The following PLEKHA7 variants were observed in gnomAD, a reference collection of about 807,000 sequenced individuals.
PLEKHA7 encodes the protein pleckstrin homology domain containing A7.
Under a neutral mutation model 170.0 loss-of-function variants are expected in PLEKHA7, and 104 were observed. The observed-to-expected ratio is 0.61, with a 90% CI of 0.52 to 0.72. The LOEUF (loss-of-function observed/expected upper bound fraction) is 0.72, where lower values mean the gene tolerates loss of function less well. Ranked by LOEUF, PLEKHA7 falls within the 30% of genes least tolerant of loss-of-function variation. PLEKHA7 has a pLI of 0.00. For missense variants in PLEKHA7, 1,615 were observed against 1,671.7 expected (o/e 0.97, Z 0.59); for synonymous variants, 648 against 660.8 (o/e 0.98, Z 0.30).
intron 3 of PLEKHA7, among the ~76,000 whole-genome samples, chr11:16,987,778 CT>C (rs1863823215): frequency 6.6e-6 from 1 of 152,224 alleles, no homozygotes; most frequent in Non-Finnish European, 1.5e-5. Context: ...TTCTCAACAC[CT>C]GTCCCAAACT....
chr11:16,802,119 AAAAAAAC>A lies in PLEKHA7; in HGVS notation c.2158-309_2158-303del, dbSNP rs879858098. ...AGCTAAGAGGATAAATCAAAGAATT[AAAAAAAC>A]AAAAAACAAAAACCTCTTTAGCCTC... On this transcript the variant is annotated intron_variant, in intron 15 of 26. Coordinates refer to ENST00000531066, the MANE Select transcript of PLEKHA7 (RefSeq NM_001329630.2). Among the ~76,000 whole-genome samples the A allele has an allele frequency of 1.1e-4, 16 of 152,364 alleles. 1 individual carries two copies. The highest frequency in any genetic ancestry group is 9.1e-4 in the Admixed American group (14 of 15,312).
At chr11:16,893,591 C>T (rs1856813538) in intron 3 of PLEKHA7, among the ~76,000 whole-genome samples, 1 of 152,174 alleles carries the variant, frequency 6.6e-6, no homozygotes, top group African/African-American at 2.4e-5. Context: ...AAGGAAGACA[C>T]AGCTGGTAAC....
intron 26 of PLEKHA7, among the ~76,000 whole-genome samples, chr11:16,782,422 G>T (rs575806923): frequency 6.6e-6 from 1 of 152,152 alleles, no homozygotes; most frequent in Non-Finnish European, 1.5e-5. Flanking sequence ...TGGCCCCTTG[G>T]CTCAGCACCT....
chr11:17,014,250 GCCCGCCCGGCC>G, intron 1 of PLEKHA7, 49 bp from the exon 2 acceptor site: 1 of 1,395,220 alleles, frequency 7.2e-7, no homozygotes, highest in Middle Eastern at 2.6e-4. Flanking sequence ...CCCGCCGGGT[GCCCGCCCGGCC>G]CCCGCCCCCG....
At chr11:16,792,959 A>G (rs1013752569) in intron 19 of PLEKHA7, among the ~76,000 whole-genome samples, 2 of 152,176 alleles carry the variant, frequency 1.3e-5, no homozygotes, top group African/African-American at 2.4e-5. Flanking sequence ...AAAAACAAGT[A>G]AGTAATAAAA....
rs552977837 is a variant in PLEKHA7, at chr11:16,846,262, G to A, written c.697-4540C>T. Reference sequence around the variant, plus strand: ...ATCACGCGACTACACTCCAGCCTGGGTGACAGAGCAAGACTCCATGGAAAG... The same window carrying A: ...ATCACGCGACTACACTCCAGCCTGGATGACAGAGCAAGACTCCATGGAAAG... On this transcript the variant is annotated intron_variant, in intron 8 of 26. Transcript: ENST00000531066. Among the ~76,000 whole-genome samples, 3 of 152,110 alleles carry A rather than the reference G, an allele frequency of 2.0e-5. No homozygotes were observed. The South Asian group carries it at 6.3e-4, about 32-fold the overall frequency.
rs11327862 is a variant in PLEKHA7, at chr11:16,919,970, AC to A, written c.222-48789del. ...CCGTTTTTCATAACAGAGGACACTTACTTTTGTAATGGGACAACCTGGATTT... is the reference window on the plus strand; with the variant it reads ...CCGTTTTTCATAACAGAGGACACTTATTTTGTAATGGGACAACCTGGATTT... On this transcript the variant is annotated intron_variant, in intron 3 of 26. Coordinates refer to ENST00000531066, the MANE Select transcript of PLEKHA7 (RefSeq NM_001329630.2). Among the ~76,000 whole-genome samples, 1,072 of 152,288 alleles carry A rather than the reference AC, an allele frequency of 7.0e-3. 17 individuals carry two copies. Among genetic ancestry groups the A allele is most frequent in the African/African-American group, 0.024 (1,010 of 41,562 alleles).
chr11:16,903,991 C>CTGTA (rs1184939778), intron 3 of PLEKHA7, among the ~76,000 whole-genome samples: 2 of 152,184 alleles, frequency 1.3e-5, no homozygotes, highest in Non-Finnish European at 2.9e-5. Flanking sequence ...TACATTCCTG[C>CTGTA]TGTACAATTC....
At chr11:16,839,215 G>A (rs1343075532) in intron 9 of PLEKHA7, among the ~76,000 whole-genome samples, 1 of 151,934 alleles carries the variant, frequency 6.6e-6, no homozygotes, top group Admixed American at 6.6e-5. Flanking sequence ...TGATCCTTCA[G>A]ATGTCATTAT....
intron 3 of PLEKHA7, among the ~76,000 whole-genome samples, chr11:16,889,233 T>C (rs1389065489): frequency 1.3e-5 from 2 of 151,666 alleles, no homozygotes; most frequent in Admixed American, 6.6e-5. Context: ...CTCCCCACCA[T>C]GTACCTTGTG....
At chr11:16,920,230 GAA>G (rs1165188454) in intron 3 of PLEKHA7, among the ~76,000 whole-genome samples, 4 of 152,180 alleles carry the variant, frequency 2.6e-5, no homozygotes, top group Non-Finnish European at 5.9e-5. Context: ...TGTAAATTCC[GAA>G]GAGAGGAATG....
intron 3 of PLEKHA7, among the ~76,000 whole-genome samples, chr11:16,889,700 GAGA>G (rs759951449): frequency 6.6e-5 from 10 of 152,084 alleles, no homozygotes; most frequent in South Asian, 4.1e-4. Flanking sequence ...GATTCAGAGA[GAGA>G]AGAAGAAAAT....
rs1848765178 is a variant in PLEKHA7 at position 16,777,658 on chromosome 11, G to A, written c.*1340C>T. 6.6e-6 allele frequency: 1 copy of A among 152,190 alleles called. No individual in the cohort carries two copies. The highest frequency in any genetic ancestry group is 2.4e-5 in the African/African-American group (1 of 41,444). The allele number at this position is 152,190 out of a possible 1,614,324, so 9.4% of individuals were successfully genotyped here. A position where few individuals can be genotyped will look rare whatever the true frequency, so the allele number is the denominator to read the frequency against. Reference sequence around the variant, plus strand: ...TATAAGAAAACAACTTAAATAAAGGGCCACAAACACTGCACCTGGCTTGGT... The same window carrying A: ...TATAAGAAAACAACTTAAATAAAGGACCACAAACACTGCACCTGGCTTGGT... On this transcript the variant is annotated 3_prime_UTR_variant, in exon 27 of 27. Transcript: ENST00000531066.
At chr11:16,881,663 A>T (rs1565063280) in intron 3 of PLEKHA7, 1 of 152,242 alleles carries the variant, frequency 6.6e-6, no homozygotes, top group South Asian at 2.1e-4. Flanking sequence ...GAACCAGGAC[A>T]TAAAGAAACA....
At chr11:16,959,541 C>G (rs566997707) in intron 3 of PLEKHA7, among the ~76,000 whole-genome samples, 1 of 152,118 alleles carries the variant, frequency 6.6e-6, no homozygotes, top group Non-Finnish European at 1.5e-5. Flanking sequence ...GTGTGAGAGG[C>G]CAGGCCCATA....
At chr11:16,954,421 T>G (rs532054877) in intron 3 of PLEKHA7, among the ~76,000 whole-genome samples, 1 of 151,954 alleles carries the variant, frequency 6.6e-6, no homozygotes, top group East Asian at 1.9e-4. Context: ...ATAGTCTCAG[T>G]TACTCAGGAG....
chr11:16,866,171 T>C (rs538615947), intron 4 of PLEKHA7, among the ~76,000 whole-genome samples: 75 of 151,844 alleles, frequency 4.9e-4, no homozygotes, highest in African/African-American at 1.5e-3. Flanking sequence ...ATAATAAATA[T>C]GTGCTTCTCT....
intron 3 of PLEKHA7, among the ~76,000 whole-genome samples, chr11:16,905,751 T>TG (rs1369630004): frequency 6.6e-6 from 1 of 152,222 alleles, no homozygotes; most frequent in Non-Finnish European, 1.5e-5. Flanking sequence ...TCCCCTGGAA[T>TG]GGGGGTAATG....
At chr11:16,898,523 G>A (rs1436135340) in intron 3 of PLEKHA7, among the ~76,000 whole-genome samples, 1 of 152,166 alleles carries the variant, frequency 6.6e-6, no homozygotes, top group Non-Finnish European at 1.5e-5. Context: ...AGAAGTAATA[G>A]TGCCTACTTT....
Sources: gnomAD v4.1 joint callset for allele counts (sites outside exome capture counted in the v4.1 genomes callset) on GRCh38, gnomAD v4.1.1 for gene constraint, MANE v1.5 for transcripts, NCBI Gene and HGNC (gene_info 2026-07-23, HGNC 2026-07-21) for gene names.